TPTE: variants seen among roughly 807,000 people sequenced by gnomAD.
TPTE encodes transmembrane phosphatase with tensin homology.
A neutral mutation model predicts 84.1 loss-of-function variants in TPTE; 59 were observed. That is an observed-to-expected ratio of 0.70 (90% CI 0.57 to 0.87). The LOEUF is 0.87. Ranked by LOEUF, TPTE falls within the 40% of genes least tolerant of loss-of-function variation. The probability of loss-of-function intolerance (pLI) is 0.00; values close to 1 mark genes in which losing one functional copy is unlikely to be tolerated. For synonymous variants in TPTE, 130 were observed against 223.5 expected, an observed-to-expected ratio of 0.58 and a Z score of 3.73; for missense variants, 382 against 659.6, an observed-to-expected ratio of 0.58 and a Z score of 4.61.
chr21:10,582,036 G>A (rs1435582153), intron 17 of TPTE, among the ~76,000 whole-genome samples: 1 of 152,312 alleles, frequency 6.6e-6, no homozygotes, highest in Non-Finnish European at 1.5e-5. Context: ...TGCCTGGAGA[G>A]AAGTTTGTAA....
chr21:10,548,591 A>G (rs1415991107), intron 7 of TPTE, among the ~76,000 whole-genome samples: 2 of 152,310 alleles, frequency 1.3e-5, no homozygotes, highest in Non-Finnish European at 2.9e-5. Context: ...CCCCCAGCAG[A>G]CACATATCCA....
intron 14 of TPTE, among the ~76,000 whole-genome samples, chr21:10,571,010 C>G (rs1237842292): frequency 1.6e-4 from 25 of 152,280 alleles, no homozygotes; most frequent in Non-Finnish European, 1.5e-5. Context: ...AGCCCCACCC[C>G]CTTCACCAGC....
At chr21:10,548,934 A>G (rs1285211868) in intron 7 of TPTE, among the ~76,000 whole-genome samples, 1 of 152,312 alleles carries the variant, frequency 6.6e-6, no homozygotes, top group African/African-American at 2.4e-5. Flanking sequence ...GCTTCTGGCT[A>G]GAGTGATGGC....
intron 2 of TPTE, among the ~76,000 whole-genome samples, chr21:10,525,789 C>A (rs1197946721): frequency 6.6e-6 from 1 of 152,308 alleles, no homozygotes; most frequent in Non-Finnish European, 1.5e-5. Context: ...TGCCCCAAAG[C>A]AGCTTATCAA....
At chr21:10,556,289 A>G (rs574641795) in intron 8 of TPTE, among the ~76,000 whole-genome samples, 3 of 152,418 alleles carry the variant, frequency 2.0e-5, no homozygotes, top group African/African-American at 7.2e-5. Flanking sequence ...GAGAACATGC[A>G]GTGTTTGGTT....
At position 10,602,066 on chromosome 21, in the gene TPTE, T is replaced by C. The variant is rs1363505636; in HGVS notation, c.1365T>C (p.Asp455=). ...CATGTGTTCATTCATAGGTACTTGA[T>C]AACATTACAACAGACAAAATATTAA... The part of the protein sequence containing the change: ...TISLGKCSVL[D]NITTDKILID... The change falls in exon 22 of 24, where the codon GAT becomes GAC. Residue 455 remains aspartate, a synonymous_variant. Coordinates refer to ENST00000618007, the MANE Select transcript of TPTE (RefSeq NM_199261.4). 9 of 1,612,522 alleles carry C rather than the reference T, an allele frequency of 5.6e-6. No individual in the cohort carries two copies. In the African/African-American group the frequency reaches 6.7e-5, roughly 12 times the overall value.
intron 8 of TPTE, among the ~76,000 whole-genome samples, chr21:10,558,387 C>G (rs1202028160): frequency 6.6e-6 from 1 of 152,304 alleles, no homozygotes; most frequent in Non-Finnish European, 1.5e-5. Flanking sequence ...TATGTGTTCC[C>G]TTTTCTCTGC....
intron 14 of TPTE, among the ~76,000 whole-genome samples, chr21:10,571,253 C>G (rs2075036768): frequency 6.6e-6 from 1 of 152,312 alleles, no homozygotes; most frequent in Non-Finnish European, 1.5e-5. Context: ...CCACTGAATG[C>G]TGATTACAGC....
At chr21:10,581,665 A>G (rs1378926997) in intron 17 of TPTE, among the ~76,000 whole-genome samples, 3 of 152,306 alleles carry the variant, frequency 2.0e-5, no homozygotes, top group Non-Finnish European at 2.9e-5. Flanking sequence ...TTAGTATTGT[A>G]ATTATATTCT....
At chr21:10,567,548 T>A in intron 10 of TPTE, 122 bp from the exon 11 acceptor site, 1 of 1,513,814 alleles carries the variant, frequency 6.6e-7, no homozygotes, top group Non-Finnish European at 8.9e-7. Flanking sequence ...AGAAAATACA[T>A]TTTAAATAAT....
chr21:10,572,112 G>GTACTATGCACC (rs2075055882), intron 14 of TPTE, among the ~76,000 whole-genome samples: 1 of 152,312 alleles, frequency 6.6e-6, no homozygotes, highest in Admixed American at 6.5e-5. Context: ...CCCAAAAAAG[G>GTACTATGCACC]TCTTCTCTGA....
chr21:10,573,850 A>G (rs1480354532), intron 14 of TPTE, among the ~76,000 whole-genome samples: 1 of 152,312 alleles, frequency 6.6e-6, no homozygotes, highest in Non-Finnish European at 1.5e-5. Flanking sequence ...TGGCAGAGGC[A>G]AGAGTCCGAG....
At chr21:10,577,114 C>T (rs1259378155) in intron 14 of TPTE, among the ~76,000 whole-genome samples, 32 of 152,368 alleles carry the variant, frequency 2.1e-4, no homozygotes, top group African/African-American at 4.6e-4. Flanking sequence ...TAAATAAGAA[C>T]GAATATGAAT....
chr21:10,581,056 T>C (rs544042416), intron 17 of TPTE, among the ~76,000 whole-genome samples: 41 of 152,358 alleles, frequency 2.7e-4, no homozygotes, highest in African/African-American at 9.1e-4. Flanking sequence ...AACTGACTTA[T>C]ATAATTCAGT....
intron 18 of TPTE, among the ~76,000 whole-genome samples, chr21:10,591,556 T>A (rs1411912943): frequency 6.6e-6 from 1 of 152,310 alleles, no homozygotes; most frequent in Non-Finnish European, 1.5e-5. Flanking sequence ...TGTGTGTGTG[T>A]CTCCTAGGTT....
chr21:10,531,323 C>A (rs957933886), intron 3 of TPTE, among the ~76,000 whole-genome samples: 1 of 152,312 alleles, frequency 6.6e-6, no homozygotes, highest in Admixed American at 6.5e-5. Flanking sequence ...TTAGTTCTTG[C>A]AAGAGCTGGT....
At chr21:10,595,475 G>A (rs566448808) in intron 19 of TPTE, among the ~76,000 whole-genome samples, 71 of 152,022 alleles carry the variant, frequency 4.7e-4, no homozygotes, top group African/African-American at 1.6e-3. Context: ...GGGCTTCCTT[G>A]GGAAAACAGA....
At chr21:10,598,179 A>G in intron 21 of TPTE, 85 bp downstream of exon 21, 5 of 1,557,272 alleles carry the variant, frequency 3.2e-6, no homozygotes, top group South Asian at 1.1e-5. Context: ...TCCCTAAACT[A>G]TCACTCACCA....
intron 3 of TPTE, among the ~76,000 whole-genome samples, chr21:10,529,982 C>CCTA (rs2074148814): frequency 1.3e-5 from 2 of 152,420 alleles, no homozygotes; most frequent in South Asian, 4.1e-4. Context: ...GAGAGCTATT[C>CCTA]CTACCCCTAT....
Sources: allele counts gnomAD v4.1 joint callset (sites outside exome capture counted in the v4.1 genomes callset), GRCh38; gene constraint gnomAD v4.1.1; transcripts MANE v1.5; gene names NCBI Gene and HGNC (gene_info 2026-07-23, HGNC 2026-07-21).